NEBL: variants seen among roughly 807,000 people sequenced by gnomAD.
NEBL encodes the protein nebulette.
In NEBL, 122 loss-of-function variants were observed where a neutral mutation model predicts 140.2. That is an observed-to-expected ratio of 0.87 (90% CI 0.75 to 1.01). The LOEUF (loss-of-function observed/expected upper bound fraction) is 1.01, where lower values mean the gene tolerates loss of function less well. NEBL is among the 50% of genes least tolerant of loss of function. The pLI, the probability that NEBL is intolerant of heterozygous loss-of-function variation, is 0.00. For missense variants in NEBL, 1,365 were observed against 1,231.3 expected, an observed-to-expected ratio of 1.11 and a Z score of -1.62; for synonymous variants, 436 against 398.9, an observed-to-expected ratio of 1.09 and a Z score of -1.11.
At chr10:21,199,647 G>A (rs1384781550) in intron 3 of NEBL, among the ~76,000 whole-genome samples, 1 of 152,168 alleles carries the variant, frequency 6.6e-6, no homozygotes. Context: ...CAATGCATGG[G>A]TGGCCACCCA....
Position 20,897,192 on chromosome 10 carries a change from A to G in NEBL, c.14T>C (p.Val5Ala), listed in dbSNP as rs145770601. Residue 5 changes from valine to alanine, a missense_variant, in exon 1 of 28, where the codon GTA (valine) becomes GCA (alanine). Val to Ala is a moderately conservative substitution (Grantham distance 64). Around this residue, in one of 2 missense-constraint regions of NEBL, gnomAD observed 1,323 missense variants for 1,154.8 expected, o/e 1.15. Coordinates refer to ENST00000377122, the MANE Select transcript of NEBL (RefSeq NM_006393.3). MRVP[V>A]FEDIKDETEE... is the part of the protein sequence containing the mutation. ...AGTTTCATCTTTTATATCCTCAAAT[A>G]CAGGGACCCTCATTTTTACCCTTTA... is the stretch of plus-strand genomic sequence containing the variant. 3.4e-5 allele frequency: 54 copies of G among 1,599,238 alleles called. No homozygotes were observed. The African/African-American group carries it at 6.2e-4, about 18-fold the overall frequency.
chr10:21,187,098 T>A (rs943082838), intron 3 of NEBL, among the ~76,000 whole-genome samples: 6 of 151,874 alleles, frequency 4.0e-5, no homozygotes, highest in Admixed American at 1.3e-4. Flanking sequence ...CTCTTTTACA[T>A]AGATGCAAGT....
At chr10:20,887,844 A>T (rs528982211) in intron 4 of NEBL, among the ~76,000 whole-genome samples, 9 of 152,232 alleles carry the variant, frequency 5.9e-5, no homozygotes, top group Middle Eastern at 3.2e-3. Context: ...TCTAAATGAG[A>T]TTAAGATTTG....
At chr10:20,838,371 C>T (rs1841096913) in intron 13 of NEBL, among the ~76,000 whole-genome samples, 1 of 152,144 alleles carries the variant, frequency 6.6e-6, no homozygotes, top group Non-Finnish European at 1.5e-5. Context: ...AGCAAGAGAA[C>T]TAGAATTAGA....
At chr10:21,132,896 T>A (rs1388753392) in intron 2 of NEBL, among the ~76,000 whole-genome samples, 1 of 152,042 alleles carries the variant, frequency 6.6e-6, no homozygotes, top group Admixed American at 6.5e-5. Context: ...ATCAGAAGAA[T>A]GATCTGCAAA....
chr10:21,074,135 C>A (rs1835951066), intron 2 of NEBL, among the ~76,000 whole-genome samples: 1 of 152,120 alleles, frequency 6.6e-6, no homozygotes, highest in East Asian at 1.9e-4. Flanking sequence ...CCACATTATT[C>A]CCTTCTTTCA....
intron 3 of NEBL, among the ~76,000 whole-genome samples, chr10:20,966,917 T>C (rs1354664379): frequency 5.9e-5 from 9 of 152,166 alleles, no homozygotes; most frequent in Admixed American, 4.6e-4. Context: ...GACTGGTAAA[T>C]TGTTGAATGA....
chr10:21,275,958 C>A (rs1243583892), intron 1 of NEBL, among the ~76,000 whole-genome samples: 1 of 148,506 alleles, frequency 6.7e-6, no homozygotes, highest in Non-Finnish European at 1.5e-5. Context: ...GCCACCACAG[C>A]CAGCCCTTTC....
At chr10:21,064,685 A>G (rs1161199945) in intron 2 of NEBL, among the ~76,000 whole-genome samples, 6 of 152,228 alleles carry the variant, frequency 3.9e-5, no homozygotes, top group Non-Finnish European at 7.3e-5. Flanking sequence ...AGTACAAGCC[A>G]TGTTTTTACC....
At chr10:21,125,301 G>A (rs1838771653) in intron 2 of NEBL, among the ~76,000 whole-genome samples, 1 of 151,910 alleles carries the variant, frequency 6.6e-6, no homozygotes, top group Non-Finnish European at 1.5e-5. Context: ...ATCACCAAGG[G>A]GTCCCATCAC....
intron 2 of NEBL, among the ~76,000 whole-genome samples, chr10:21,049,743 T>C (rs1425442520): frequency 6.6e-6 from 1 of 152,216 alleles, no homozygotes; most frequent in African/African-American, 2.4e-5. Flanking sequence ...TGCAGTGACA[T>C]CCCCTTCTTT....
At chr10:21,044,397 T>TTAAA (rs1834410312) in intron 2 of NEBL, among the ~76,000 whole-genome samples, 1 of 34,870 alleles carries the variant, frequency 2.9e-5, no homozygotes, top group Non-Finnish European at 4.5e-5. Context: ...AGAGTAAGAA[T>TTAAA]AAAAAAAAAA....
intron 2 of NEBL, among the ~76,000 whole-genome samples, chr10:21,057,527 T>G (rs1304053582): frequency 6.8e-6 from 1 of 147,986 alleles, no homozygotes; most frequent in African/African-American, 2.5e-5. Context: ...TGATACCTAA[T>G]AGCCAATGAA....
At chr10:20,842,832 A>G (rs1006062177) in intron 12 of NEBL, among the ~76,000 whole-genome samples, 1 of 152,028 alleles carries the variant, frequency 6.6e-6, no homozygotes, top group African/African-American at 2.4e-5. Context: ...CCTCCCGTTT[A>G]GAGATTTTGA....
intron 3 of NEBL, among the ~76,000 whole-genome samples, chr10:21,010,029 A>G (rs1416580972): frequency 6.6e-6 from 1 of 152,142 alleles, no homozygotes; most frequent in Non-Finnish European, 1.5e-5. Flanking sequence ...GTTTAAGGCC[A>G]TTACGAGACA....
At chr10:21,073,850 A>T (rs924673154) in intron 2 of NEBL, among the ~76,000 whole-genome samples, 2 of 152,162 alleles carry the variant, frequency 1.3e-5, no homozygotes, top group East Asian at 3.9e-4. Flanking sequence ...CAAGATGGGC[A>T]GATCACGAGG....
chr10:20,821,668 G>T (rs924522963), intron 19 of NEBL, among the ~76,000 whole-genome samples: 20 of 152,266 alleles, frequency 1.3e-4, no homozygotes, highest in Non-Finnish European at 2.5e-4. Context: ...GAAGTCAACT[G>T]CTCTTAAACA....
chr10:21,055,470 C>A (rs1361381792), intron 2 of NEBL, among the ~76,000 whole-genome samples: 1 of 152,100 alleles, frequency 6.6e-6, no homozygotes, highest in Admixed American at 6.5e-5. Context: ...GATCAGGCCA[C>A]CAAATGATCG....
intron 4 of NEBL, among the ~76,000 whole-genome samples, chr10:20,908,383 A>G (rs780912209): frequency 1.3e-5 from 2 of 152,220 alleles, no homozygotes; most frequent in Non-Finnish European, 2.9e-5. Flanking sequence ...GGATGCTTAT[A>G]TAAAGGAAGA....
Sources: allele counts gnomAD v4.1 joint callset (sites outside exome capture counted in the v4.1 genomes callset), GRCh38; gene constraint gnomAD v4.1.1; regional missense constraint gnomAD v4.1.1; transcripts MANE v1.5; gene names NCBI Gene and HGNC (gene_info 2026-07-23, HGNC 2026-07-21).